Variants in KIF26B observed in about 807,000 individuals in gnomAD.
KIF26B encodes kinesin-like protein KIF26B.
KIF26B carries 63 observed loss-of-function variants against 151.2 expected under a neutral mutation model. The ratio of observed to expected loss-of-function variants is 0.42; its 90% CI spans 0.34 to 0.51. KIF26B has a LOEUF of 0.51. Among genes scored for constraint, KIF26B ranks in the 20% least tolerant of loss-of-function variants. KIF26B has a pLI of 0.07. For synonymous variants in KIF26B, 1,357 were observed against 1,262.1 expected, an observed-to-expected ratio of 1.08 and a Z score of -1.59; for missense variants, 2,813 against 2,913.6, an observed-to-expected ratio of 0.97 and a Z score of 0.79.
At chr1:245,353,587 C>T (rs938620578) in intron 2 of KIF26B, 1 of 152,602 alleles carries the variant, frequency 6.6e-6, no homozygotes, top group African/African-American at 2.4e-5. Context: ...GGCCGGTTCT[C>T]TGACTTCGTG....
chr1:245,652,695 G>T (rs1208909027), intron 10 of KIF26B, among the ~76,000 whole-genome samples: 2 of 152,120 alleles, frequency 1.3e-5, no homozygotes, highest in African/African-American at 4.8e-5. Flanking sequence ...AGCTTTGGTT[G>T]TTCTGCCGCT....
rs7554604 is a variant in KIF26B at position 245,227,049 on chromosome 1, A to T, written c.465+70366A>T. 0.012 allele frequency among the ~76,000 whole-genome samples: 1,837 copies of T among 152,044 alleles called. 16 individuals are homozygous for T. The highest frequency in any genetic ancestry group is 0.024 in the Middle Eastern group (7 of 294). ...TCGAATGACCCACAGGGAATGGTGC[A>T]CCATTCACTCAGTCCACCCCTAGCA... On this transcript the variant is annotated intron_variant, in intron 2 of 14. Transcript: ENST00000407071. The surrounding 1 kb of genome is among the most constrained non-coding windows in gnomAD (Gnocchi z 4.1).
intron 5 of KIF26B, among the ~76,000 whole-genome samples, chr1:245,552,616 A>T (rs1487156120): frequency 3.6e-5 from 5 of 138,518 alleles, no homozygotes; most frequent in African/African-American, 5.5e-5. Flanking sequence ...ATCTTCCTGG[A>T]TTTTTTTTTT....
chr1:245,215,640 G>A (rs1669628663), intron 2 of KIF26B, among the ~76,000 whole-genome samples: 2 of 152,186 alleles, frequency 1.3e-5, no homozygotes, highest in Non-Finnish European at 2.9e-5. Flanking sequence ...TCGGGGTGTG[G>A]AAAATGGAAT....
intron 4 of KIF26B, among the ~76,000 whole-genome samples, chr1:245,517,014 G>T (rs1360306303): frequency 6.6e-6 from 1 of 152,198 alleles, no homozygotes; most frequent in Admixed American, 6.5e-5. Context: ...ATTAGTAAGT[G>T]TAGGCAAACA....
chr1:245,342,303 C>T (rs992575916), intron 2 of KIF26B, among the ~76,000 whole-genome samples: 3 of 152,138 alleles, frequency 2.0e-5, no homozygotes, highest in African/African-American at 7.2e-5. Context: ...AAGAAGTGAG[C>T]CGCGTGGTTT....
chr1:245,331,317 G>T (rs1672111335), intron 2 of KIF26B, among the ~76,000 whole-genome samples: 1 of 151,986 alleles, frequency 6.6e-6, no homozygotes, highest in Non-Finnish European at 1.5e-5. Flanking sequence ...CTCACAAGCA[G>T]GGCACAAGCT....
At chr1:245,271,072 G>T (rs770244512) in intron 2 of KIF26B, among the ~76,000 whole-genome samples, 5 of 152,066 alleles carry the variant, frequency 3.3e-5, no homozygotes, top group Non-Finnish European at 7.4e-5. Context: ...GTATATGTGG[G>T]TTTACTTCTG....
At position 245,156,560 on chromosome 1, in the gene KIF26B, C is replaced by T. The variant is rs772276937; in HGVS notation, c.342C>T (p.Gly114=). The stretch of plus-strand genomic sequence containing the variant: ...TCGGCACAGGCTCCCCGGGCTCCGG[C>T]AGCGGCGGCGGCTCCTCCCCCGGCT... ...PGFGTGSPGS[G]SGGGSSPGSD... Residue 114 remains glycine, a synonymous_variant, in exon 2 of 15, where the codon GGC becomes GGT. Coordinates refer to ENST00000407071, the MANE Select transcript of KIF26B (RefSeq NM_018012.4). 1 of 1,532,696 alleles carries T rather than the reference C, an allele frequency of 6.5e-7. No homozygotes were observed. Among genetic ancestry groups the T allele is most frequent in the South Asian group, 1.2e-5 (1 of 83,886 alleles). 94.9% of individuals were successfully genotyped at this position (1,532,696 alleles called of 1,614,324 possible). A position where few individuals can be genotyped will look rare whatever the true frequency, so the allele number is the denominator to read the frequency against.
At chr1:245,626,286 G>T (rs1299005379) in intron 9 of KIF26B, among the ~76,000 whole-genome samples, 1 of 150,998 alleles carries the variant, frequency 6.6e-6, no homozygotes, top group African/African-American at 2.4e-5. Flanking sequence ...TCTCGTTTTA[G>T]TTTTTTTTTG....
intron 2 of KIF26B, among the ~76,000 whole-genome samples, chr1:245,252,364 T>C (rs1670460367): frequency 1.3e-5 from 2 of 152,146 alleles, no homozygotes. Context: ...GTTTTCTTTA[T>C]TACCTTTCGG....
chr1:245,273,667 A>G (rs1025242401), intron 2 of KIF26B, among the ~76,000 whole-genome samples: 6 of 152,180 alleles, frequency 3.9e-5, no homozygotes, highest in Admixed American at 2.0e-4. Flanking sequence ...TTTGTGTGAT[A>G]TAAGTATGGT....
At chr1:245,205,842 C>A (rs1669394520) in intron 2 of KIF26B, among the ~76,000 whole-genome samples, 1 of 148,526 alleles carries the variant, frequency 6.7e-6, no homozygotes, top group Non-Finnish European at 1.5e-5. Context: ...TCCCCCACCC[C>A]CACCCACACC....
chr1:245,291,137 A>G (rs1309667701), intron 2 of KIF26B, among the ~76,000 whole-genome samples: 1 of 152,330 alleles, frequency 6.6e-6, no homozygotes, highest in African/African-American at 2.4e-5. Flanking sequence ...CCCAGGCTCA[A>G]CTGGCACATC....
intron 9 of KIF26B, among the ~76,000 whole-genome samples, chr1:245,642,810 T>C (rs10802233): frequency 0.8 from 122,298 of 152,052 alleles, 49,851 homozygotes; most frequent in African/African-American, 0.95. Context: ...AGTTATCTGA[T>C]TACAGAGAGA....
intron 3 of KIF26B, among the ~76,000 whole-genome samples, chr1:245,369,375 T>C (rs1197832374): frequency 6.6e-6 from 1 of 152,178 alleles, no homozygotes; most frequent in Middle Eastern, 3.2e-3. Context: ...ATGTGGTTGA[T>C]AAAATGCCGG....
intron 2 of KIF26B, among the ~76,000 whole-genome samples, chr1:245,264,182 C>T (rs555677075): frequency 2.6e-4 from 40 of 152,198 alleles, no homozygotes; most frequent in South Asian, 1.5e-3. Flanking sequence ...ATGTATATTA[C>T]GAGGTCTATC....
intron 2 of KIF26B, among the ~76,000 whole-genome samples, chr1:245,314,401 G>A (rs1380381649): frequency 1.3e-5 from 2 of 152,120 alleles, no homozygotes; most frequent in Non-Finnish European, 2.9e-5. Flanking sequence ...GCAGTGAGTC[G>A]AGATCGTGCC....
chr1:245,198,542 C>G (rs963435104), intron 2 of KIF26B, among the ~76,000 whole-genome samples: 1 of 152,020 alleles, frequency 6.6e-6, no homozygotes, highest in African/African-American at 2.4e-5. Context: ...GCCAACATGG[C>G]AAAACCCCGT....
Sources: gnomAD v4.1 joint callset for allele counts (sites outside exome capture counted in the v4.1 genomes callset) on GRCh38, gnomAD v4.1.1 for gene constraint, Gnocchi (gnomAD v3.1) non-coding constraint, MANE v1.5 for transcripts, NCBI Gene and HGNC (gene_info 2026-07-23, HGNC 2026-07-21) for gene names.